SPATA6L: variants seen among roughly 807,000 people sequenced by gnomAD.
SPATA6L encodes spermatogenesis associated 6 like.
SPATA6L carries 68 observed loss-of-function variants against 49.2 expected under a neutral mutation model. That is an observed-to-expected ratio of 1.38 (90% CI 1.14 to 1.69). SPATA6L has a LOEUF of 1.69. SPATA6L is among the 40% of genes most tolerant of loss of function. The probability of loss-of-function intolerance (pLI) is 0.00; values close to 1 mark genes in which losing one functional copy is unlikely to be tolerated. For missense variants in SPATA6L, 668 were observed against 464.3 expected, an observed-to-expected ratio of 1.44 and a Z score of -4.03; for synonymous variants, 198 against 165.7, an observed-to-expected ratio of 1.19 and a Z score of -1.50.
intron 10 of SPATA6L, among the ~76,000 whole-genome samples, chr9:4,605,127 C>G (rs1361788652): frequency 6.6e-6 from 1 of 152,106 alleles, no homozygotes; most frequent in Non-Finnish European, 1.5e-5. Flanking sequence ...GATCCAAGCC[C>G]CACTGTCTCA....
intron 9 of SPATA6L, among the ~76,000 whole-genome samples, chr9:4,609,744 G>T (rs1157444964): frequency 2.6e-5 from 4 of 151,334 alleles, no homozygotes; most frequent in African/African-American, 9.8e-5. Context: ...ACAAGACAGG[G>T]ATGCCCTCTC....
At chr9:4,619,434 A>G (rs1024956304) in intron 7 of SPATA6L, among the ~76,000 whole-genome samples, 5 of 152,126 alleles carry the variant, frequency 3.3e-5, no homozygotes, top group African/African-American at 1.2e-4. Context: ...CTGGGATTAC[A>G]GGTGTAAGCC....
chr9:4,629,769 G>GTATATATATATATATA (rs35908661), intron 4 of SPATA6L, among the ~76,000 whole-genome samples: 1,836 of 101,624 alleles, frequency 0.018, 37 homozygotes, highest in South Asian at 0.029. Flanking sequence ...GTGTGTGTGT[G>GTATATATATATATATA]TATATATATA....
intron 9 of SPATA6L, among the ~76,000 whole-genome samples, chr9:4,615,441 T>C (rs1024050942): frequency 6.6e-6 from 1 of 152,190 alleles, no homozygotes; most frequent in Non-Finnish European, 1.5e-5. Context: ...CCAATCCCAG[T>C]TGATTTTGAC....
At chr9:4,634,896 G>T (rs1221188317) in intron 4 of SPATA6L, among the ~76,000 whole-genome samples, 1 of 152,190 alleles carries the variant, frequency 6.6e-6, no homozygotes, top group Non-Finnish European at 1.5e-5. Flanking sequence ...CTTGAGAATT[G>T]TTGGGAGAAA....
At chr9:4,618,805 A>G (rs1828602036) in intron 8 of SPATA6L, 59 bp downstream of exon 8, 3 of 1,495,072 alleles carry the variant, frequency 2.0e-6, no homozygotes, top group African/African-American at 1.4e-5. Flanking sequence ...AAAAAGCACA[A>G]TAATTGACAT....
intron 1 of SPATA6L, chr9:4,665,126 A>C (rs1032669004): frequency 1.2e-5 from 2 of 167,132 alleles, no homozygotes; most frequent in African/African-American, 4.8e-5. Flanking sequence ...TCTGGCTCTT[A>C]AAGCATAGAT....
chr9:4,644,183 C>A (rs866498419), intron 3 of SPATA6L, among the ~76,000 whole-genome samples: 1,584 of 45,702 alleles, frequency 0.035, 30 homozygotes, highest in South Asian at 0.12. Flanking sequence ...GCCATCTCTG[C>A]AAAAAAAAAA....
downstream of SPATA6L, among the ~76,000 whole-genome samples, chr9:4,596,204 A>G (rs1226055700): frequency 6.6e-6 from 1 of 152,092 alleles, no homozygotes; most frequent in Non-Finnish European, 1.5e-5. Context: ...CCTTAGTGTG[A>G]CCCCTCCCGA....
rs141892716 is a variant in SPATA6L, at chr9:4,664,785, T to A, written c.39+1427A>T. ...AGTAGGTTTTGATTGAGTGAAAGCA[T>A]GAGCTTGTTCAGAGTGAGGGGCATA... On this transcript the variant is annotated intron_variant, in intron 1 of 11. Transcript: ENST00000682582. The A allele has an allele frequency of 4.8e-5, 8 of 167,214 alleles. No homozygotes were observed. In the East Asian group the frequency reaches 1.5e-3, roughly 32 times the overall value. The allele number at this position is 167,214 out of a possible 1,614,324, so 10.4% of individuals were successfully genotyped here.
intron 5 of SPATA6L, chr9:4,626,044 C>G (rs1830287944): frequency 6.1e-6 from 1 of 163,042 alleles, no homozygotes; most frequent in African/African-American, 2.4e-5. Flanking sequence ...TAATACTGGT[C>G]CAGGGACTCT....
Position 4,628,933 on chromosome 9 carries a change from C to T in SPATA6L, c.429+158G>A, listed in dbSNP as rs186351227. 776 of 606,134 alleles carry T rather than the reference C, an allele frequency of 1.3e-3. 6 individuals carry two copies. In the African/African-American group the frequency reaches 0.013, roughly 10 times the overall value. The allele number at this position is 606,134 out of a possible 1,614,324, so 37.5% of individuals were successfully genotyped here. A position where few individuals can be genotyped will look rare whatever the true frequency, so the allele number is the denominator to read the frequency against. ...ACTCTAATATGACTGGCTGAGCAAA[C>T]AGTTTGAATTATAGAAATACAAACC... On this transcript the variant is annotated intron_variant, in intron 5 of 11. Transcript: ENST00000682582.
chr9:4,649,094 C>T (rs1051722965), intron 3 of SPATA6L, among the ~76,000 whole-genome samples: 3 of 138,542 alleles, frequency 2.2e-5, no homozygotes, highest in Non-Finnish European at 4.7e-5. Context: ...CACACACACA[C>T]ATATCACAGT....
In SPATA6L at chr9:4,638,234, G is replaced by A. The variant is rs186757090; in HGVS notation, c.227-2835C>T. On this transcript the variant is annotated intron_variant, in intron 3 of 11. Coordinates refer to ENST00000682582, the MANE Select transcript of SPATA6L (RefSeq NM_001353486.2). ...TATTATTATTATTATTTTTTGAGAC[G>A]GAGTCTCGCTCTTATTGCCCAGACT... Among the ~76,000 whole-genome samples, 158 of 152,204 alleles carry A rather than the reference G, an allele frequency of 1.0e-3. 2 individuals are homozygous for A. Among genetic ancestry groups the A allele is most frequent in the South Asian group, 2.1e-4 (1 of 4,828 alleles).
rs757530634 is a variant in SPATA6L, at chr9:4,661,983, G to T, written c.93C>A (p.Val31=). The T allele has an allele frequency of 3.1e-6, 5 of 1,613,984 alleles. No homozygotes were observed. In the African/African-American group the frequency reaches 6.7e-5, roughly 22 times the overall value. ...TCTCCAGGTACTGATTCATGAGGTA[G>T]ACCCCGAGGTACACATCTTGTTTGC... is the stretch of plus-strand genomic sequence containing the variant. ...LPGKQDVYLG[V]YLMNQYLETN... is the part of the protein sequence containing the mutation. The change falls in exon 2 of 12, where the codon GTC becomes GTA. Residue 31 remains valine (V), a synonymous_variant. Coordinates refer to ENST00000682582, the MANE Select transcript of SPATA6L (RefSeq NM_001353486.2).
intron 3 of SPATA6L, among the ~76,000 whole-genome samples, chr9:4,643,518 C>A (rs1342937468): frequency 6.6e-6 from 1 of 151,952 alleles, no homozygotes; most frequent in Non-Finnish European, 1.5e-5. Context: ...AAAAGAAAAT[C>A]TAAATGCTCA....
intron 3 of SPATA6L, among the ~76,000 whole-genome samples, chr9:4,640,561 C>A (rs1277460221): frequency 6.6e-6 from 1 of 151,634 alleles, no homozygotes; most frequent in Non-Finnish European, 1.5e-5. Flanking sequence ...CCACAGGAAA[C>A]TTTAAGAAAA....
At chr9:4,632,509 T>C (rs10283745) in intron 4 of SPATA6L, among the ~76,000 whole-genome samples, 21,837 of 150,536 alleles carry the variant, frequency 0.15, 2,566 homozygotes, top group East Asian at 0.33. Flanking sequence ...GGCAGGAGAA[T>C]CACTTGAACC....
chr9:4,636,999 A>G (rs1408522604), intron 3 of SPATA6L, among the ~76,000 whole-genome samples: 1 of 152,116 alleles, frequency 6.6e-6, no homozygotes, highest in Non-Finnish European at 1.5e-5. Context: ...CGTTTTAAAT[A>G]CATCAGACTG....
Sources: allele counts gnomAD v4.1 joint callset (sites outside exome capture counted in the v4.1 genomes callset), GRCh38; gene constraint gnomAD v4.1.1; transcripts MANE v1.5; gene names NCBI Gene and HGNC (gene_info 2026-07-23, HGNC 2026-07-21).